COG2: variants seen among roughly 807,000 people sequenced by gnomAD.
COG2 encodes conserved oligomeric Golgi complex subunit 2.
In COG2, 52 loss-of-function variants were observed where a neutral mutation model predicts 90.6. The observed-to-expected ratio is 0.57, with a 90% CI of 0.46 to 0.72. COG2 has a LOEUF of 0.72. Ranked by LOEUF, COG2 falls within the 30% of genes least tolerant of loss-of-function variation. The pLI, the probability that COG2 is intolerant of heterozygous loss-of-function variation, is 0.00. For synonymous variants in COG2, 337 were observed against 320.4 expected, an observed-to-expected ratio of 1.05 and a Z score of -0.55; for missense variants, 829 against 891.2, an observed-to-expected ratio of 0.93 and a Z score of 0.89.
intron 7 of COG2, chr1:230,670,701 C>G (rs1662427191): frequency 6.6e-6 from 1 of 152,140 alleles, no homozygotes; most frequent in African/African-American, 2.4e-5. Context: ...ACTGTAGCCT[C>G]AACCTCCTGG....
chr1:230,685,622 G>A (rs1342283384), intron 12 of COG2, among the ~76,000 whole-genome samples: 2 of 152,156 alleles, frequency 1.3e-5, no homozygotes, highest in African/African-American at 4.8e-5. Context: ...ATATTTGGAA[G>A]TTTACAAAAT....
In COG2 at chr1:230,678,786, C is replaced by G. The variant is rs560726406; in HGVS notation, c.1027-127C>G. 72 of 1,557,470 alleles carry G rather than the reference C, an allele frequency of 4.6e-5. No individual in the cohort carries two copies. The Middle Eastern group carries it at 1.2e-3, about 25-fold the overall frequency. On this transcript the variant is annotated intron_variant, in intron 9 of 17. Transcript: ENST00000366669. ...ATTGGAAGAAAGATCTTGTAAGTTC[C>G]TTGTTAACTCTAGAAACTGTGATTC...
intron 10 of COG2, chr1:230,681,832 C>T (rs911477736): frequency 2.6e-5 from 4 of 152,216 alleles, no homozygotes; most frequent in Admixed American, 6.5e-5. Context: ...GGTCCCCTGG[C>T]TGGGGAGCAC....
chr1:230,687,516 T>C (rs1662911458), intron 13 of COG2, among the ~76,000 whole-genome samples: 1 of 152,222 alleles, frequency 6.6e-6, no homozygotes, highest in Non-Finnish European at 1.5e-5. Context: ...TTTTAGTTAC[T>C]TTACATTAAT....
At chr1:230,676,453 A>G (rs1662599611) in intron 9 of COG2, among the ~76,000 whole-genome samples, 1 of 152,212 alleles carries the variant, frequency 6.6e-6, no homozygotes, top group Admixed American at 6.5e-5. Context: ...TCTCCTGGAC[A>G]ATACGCGGAA....
intron 10 of COG2, chr1:230,681,336 ACTGTATTACATAGTATATG>A (rs1662743182): frequency 6.6e-6 from 1 of 152,224 alleles, no homozygotes; most frequent in African/African-American, 2.4e-5. Flanking sequence ...ACATGTATAT[ACTGTATTACATAGTATATG>A]CTGAACACAG....
At chr1:230,680,833 G>A (rs1020042150) in intron 10 of COG2, 7 of 152,134 alleles carry the variant, frequency 4.6e-5, no homozygotes, top group African/African-American at 1.7e-4. Flanking sequence ...TGCTCTGAAG[G>A]ATGACAAAAA....
chr1:230,675,714 C>T (rs1024000297), intron 9 of COG2, among the ~76,000 whole-genome samples: 2 of 152,138 alleles, frequency 1.3e-5, no homozygotes, highest in Non-Finnish European at 1.5e-5. Context: ...ACAATTATAG[C>T]TCACTGCAGT....
intron 5 of COG2, among the ~76,000 whole-genome samples, chr1:230,664,967 C>G (rs1248467881): frequency 6.6e-6 from 1 of 152,130 alleles, no homozygotes; most frequent in East Asian, 1.9e-4. Context: ...TCTTGAGGTT[C>G]AAAATGCACG....
chr1:230,644,571 ACTCTCTTCTGTTATTAC>A (rs1661714504), intron 1 of COG2, among the ~76,000 whole-genome samples: 1 of 151,918 alleles, frequency 6.6e-6, no homozygotes, highest in Non-Finnish European at 1.5e-5. Context: ...CTTGAAATCC[ACTCTCTTCTGTTATTAC>A]CTCTCTTCTG....
chr1:230,671,718 G>T, intron 8 of COG2, 78 bp downstream of exon 8: 1 of 1,348,524 alleles, frequency 7.4e-7, no homozygotes, highest in Non-Finnish European at 1.0e-6. Context: ...CACGATGGAC[G>T]ATGACTGTCT....
chr1:230,688,036 A>G, intron 13 of COG2, 35 bp from the exon 14 acceptor site: 1 of 1,429,496 alleles, frequency 7.0e-7, no homozygotes, highest in Non-Finnish European at 9.6e-7. Flanking sequence ...ATTTATAAAA[A>G]GTAACTGAAT....
intron 8 of COG2, among the ~76,000 whole-genome samples, chr1:230,673,241 G>T (rs1487551587): frequency 6.6e-6 from 1 of 152,202 alleles, no homozygotes; most frequent in African/African-American, 2.4e-5. Flanking sequence ...GGGAATTCAT[G>T]TAGAAGGCTT....
chr1:230,650,120 G>C (rs993338271), intron 1 of COG2, among the ~76,000 whole-genome samples: 25 of 152,128 alleles, frequency 1.6e-4, no homozygotes, highest in African/African-American at 5.8e-4. Context: ...CCAATCCTCC[G>C]TTGATAGACA....
chr1:230,687,799 C>T (rs918769632), intron 13 of COG2, among the ~76,000 whole-genome samples: 1 of 152,100 alleles, frequency 6.6e-6, no homozygotes, highest in Non-Finnish European at 1.5e-5. Context: ...GAGCTATTTT[C>T]GTATTATGGA....
intron 10 of COG2, chr1:230,680,136 T>C (rs922930001): frequency 2.6e-5 from 4 of 152,198 alleles, no homozygotes; most frequent in Admixed American, 2.6e-4. Context: ...CTGGAAATAG[T>C]TGGTATATGA....
intron 1 of COG2, among the ~76,000 whole-genome samples, chr1:230,649,879 C>T (rs2102742116): frequency 6.6e-6 from 1 of 152,308 alleles, no homozygotes; most frequent in Middle Eastern, 3.4e-3. Flanking sequence ...TCCTCCAGCA[C>T]TTCCCCTTTC....
intron 17 of COG2, among the ~76,000 whole-genome samples, chr1:230,692,789 GTTA>G (rs34405682): frequency 0.63 from 95,257 of 150,864 alleles, 31,251 homozygotes; most frequent in Non-Finnish European, 0.75. Flanking sequence ...TGTGTGTGTT[GTTA>G]TTGTCGTTTT....
intron 6 of COG2, 118 bp downstream of exon 6, chr1:230,668,902 C>G: frequency 1.5e-6 from 1 of 660,778 alleles, no homozygotes; most frequent in South Asian, 2.7e-5. Flanking sequence ...CATTTTTTTT[C>G]AATTTTTAAT....
Sources: gnomAD v4.1 joint callset for allele counts (sites outside exome capture counted in the v4.1 genomes callset) on GRCh38, gnomAD v4.1.1 for gene constraint, MANE v1.5 for transcripts, NCBI Gene and HGNC (gene_info 2026-07-23, HGNC 2026-07-21) for gene names.